The following RANBP2 variants were observed in gnomAD, a reference collection of about 807,000 sequenced individuals.
The protein encoded by RANBP2 is RAN binding protein 2.
In RANBP2, 57 loss-of-function variants were observed where a neutral mutation model predicts 303.6. The observed-to-expected ratio is 0.19, with a 90% CI of 0.15 to 0.23. The LOEUF (loss-of-function observed/expected upper bound fraction) is 0.23. Among genes scored for constraint, RANBP2 ranks in the 10% least tolerant of loss-of-function variants. The pLI, the probability that RANBP2 is intolerant of heterozygous loss-of-function variation, is 1.00. For missense variants in RANBP2, 3,138 were observed against 3,780.8 expected, an observed-to-expected ratio of 0.83 and a Z score of 4.46; for synonymous variants, 1,167 against 1,301.5, an observed-to-expected ratio of 0.90 and a Z score of 2.23.
At chr2:109,570,578 G>A in the RANBP2 span, among the ~76,000 whole-genome samples, 1 of 151,036 alleles carries the variant, frequency 6.6e-6, no homozygotes, top group Non-Finnish European at 1.5e-5. Flanking sequence ...AGGCTGGAGT[G>A]CAGTGGCGTG....
chr2:109,761,460 A>G, the RANBP2 span, among the ~76,000 whole-genome samples: 1 of 148,738 alleles, frequency 6.7e-6, no homozygotes, highest in Non-Finnish European at 1.5e-5. Flanking sequence ...CGCCCCAGGT[A>G]TCCCTTTGTG....
At chr2:108,873,043 T>G in the RANBP2 span, among the ~76,000 whole-genome samples, 1 of 152,220 alleles carries the variant, frequency 6.6e-6, no homozygotes, top group Non-Finnish European at 1.5e-5. Flanking sequence ...AATAGTCAAG[T>G]GAAATTCACA....
At chr2:109,388,539 T>C in the RANBP2 span, among the ~76,000 whole-genome samples, 1 of 152,208 alleles carries the variant, frequency 6.6e-6, no homozygotes, top group African/African-American at 2.4e-5. Flanking sequence ...GTTACAGCTC[T>C]GTAGAGGGGT....
chr2:109,715,818 T>C, the RANBP2 span, among the ~76,000 whole-genome samples: 5 of 152,298 alleles, frequency 3.3e-5, no homozygotes, highest in Middle Eastern at 3.4e-3. Context: ...CCCCAGCCAT[T>C]TGAGCTATGT....
the RANBP2 span, among the ~76,000 whole-genome samples, chr2:109,124,104 G>A: frequency 3.3e-5 from 5 of 151,868 alleles, no homozygotes; most frequent in South Asian, 4.1e-4. Flanking sequence ...TCCACCTCCC[G>A]GGTTCAAGCG....
chr2:109,039,099 A>G, the RANBP2 span, among the ~76,000 whole-genome samples: 3 of 152,164 alleles, frequency 2.0e-5, no homozygotes, highest in African/African-American at 7.2e-5. Flanking sequence ...GCAGAATCCA[A>G]TCCAATCAAT....
chr2:109,682,891 T>C, the RANBP2 span, among the ~76,000 whole-genome samples: 3,616 of 152,326 alleles, frequency 0.024, 133 homozygotes, highest in African/African-American at 0.083. Context: ...GCCCTGACTT[T>C]GTCACAGACC....
At chr2:109,091,118 C>T in the RANBP2 span, among the ~76,000 whole-genome samples, 1 of 152,120 alleles carries the variant, frequency 6.6e-6, no homozygotes, top group Non-Finnish European at 1.5e-5. Flanking sequence ...GTAGTCCCTG[C>T]TACTCCAGAG....
the RANBP2 span, among the ~76,000 whole-genome samples, chr2:109,491,129 T>C: frequency 6.6e-6 from 1 of 152,176 alleles, no homozygotes; most frequent in African/African-American, 2.4e-5. Context: ...AACTGGAGTG[T>C]TATTTCATGT....
At chr2:108,798,705 G>A in the RANBP2 span, 256 of 567,876 alleles carry the variant, frequency 4.5e-4, 4 homozygotes, top group South Asian at 5.1e-3. Flanking sequence ...TCCTCTCCAC[G>A]CCTACACACA....
the RANBP2 span, among the ~76,000 whole-genome samples, chr2:109,317,333 G>A: frequency 6.6e-6 from 1 of 152,118 alleles, no homozygotes. Flanking sequence ...GGGCGTCTGT[G>A]GGCAGGTGGG....
chr2:109,174,248 A>G, the RANBP2 span, among the ~76,000 whole-genome samples: 1 of 152,218 alleles, frequency 6.6e-6, no homozygotes, highest in Non-Finnish European at 1.5e-5. Context: ...AGTTTTATCT[A>G]TGACTGGGAA....
the RANBP2 span, chr2:108,794,747 A>G: frequency 3.3e-5 from 50 of 1,498,984 alleles, no homozygotes; most frequent in African/African-American, 6.3e-4. Context: ...TGAATCGAGA[A>G]TTCAGAAATA....
At chr2:108,853,085 G>A in the RANBP2 span, among the ~76,000 whole-genome samples, 57 of 152,276 alleles carry the variant, frequency 3.7e-4, no homozygotes, top group African/African-American at 1.3e-3. Flanking sequence ...AAGTAAAAAT[G>A]TTCCAAGGTG....
the RANBP2 span, among the ~76,000 whole-genome samples, chr2:109,057,519 G>A: frequency 6.6e-6 from 1 of 152,218 alleles, no homozygotes; most frequent in East Asian, 1.9e-4. Context: ...GCCATCTTCA[G>A]ATTTCTATAG....
the RANBP2 span, among the ~76,000 whole-genome samples, chr2:109,430,915 G>A: frequency 6.6e-6 from 1 of 152,284 alleles, no homozygotes; most frequent in East Asian, 1.9e-4. Flanking sequence ...AGGGCATGAG[G>A]GACACCTATC....
chr2:109,596,094 C>A, the RANBP2 span, among the ~76,000 whole-genome samples: 1 of 152,018 alleles, frequency 6.6e-6, no homozygotes, highest in East Asian at 1.9e-4. Context: ...TGCAGTGGTG[C>A]GATCACAGCT....
the RANBP2 span, among the ~76,000 whole-genome samples, chr2:108,830,342 T>G: frequency 6.6e-6 from 1 of 152,208 alleles, no homozygotes; most frequent in Non-Finnish European, 1.5e-5. Flanking sequence ...GTGATGATGG[T>G]TACACAACAG....
the RANBP2 span, chr2:109,371,592 A>T: frequency 6.2e-7 from 1 of 1,613,676 alleles, no homozygotes; most frequent in Non-Finnish European, 8.5e-7. Flanking sequence ...GCAGGACGAG[A>T]TTCTGACGGT....
Sources: allele counts gnomAD v4.1 joint callset (sites outside exome capture counted in the v4.1 genomes callset), GRCh38; gene constraint gnomAD v4.1.1; transcripts MANE v1.5; gene names NCBI Gene and HGNC (gene_info 2026-07-23, HGNC 2026-07-21).